Variants in FBXO4 observed in about 807,000 individuals in gnomAD.
FBXO4 encodes the protein F-box protein 4, also known as F-box only protein 4.
Under a neutral mutation model 43.7 loss-of-function variants are expected in FBXO4, and 36 were observed. The observed-to-expected ratio is 0.82, with a 90% CI of 0.63 to 1.09. FBXO4 has a LOEUF of 1.09. Among genes scored for constraint, FBXO4 ranks in the 50% least tolerant of loss-of-function variants. FBXO4 has a pLI of 0.00. For missense variants in FBXO4, 435 were observed against 474.1 expected (o/e 0.92, Z 0.77); for synonymous variants, 180 against 165.6 (o/e 1.09, Z -0.67).
Position 41,941,536 on chromosome 5 carries a change from G to A in FBXO4, c.*255G>A, listed in dbSNP as rs1372280781. 4.3e-6 allele frequency: 1 copy of A among 234,488 alleles called. No homozygotes were observed. Among genetic ancestry groups the A allele is most frequent in the Non-Finnish European group, 8.3e-6 (1 of 120,066 alleles). 14.5% of individuals were successfully genotyped at this position (234,488 alleles called of 1,614,324 possible). A position where few individuals can be genotyped will look rare whatever the true frequency, so the allele number is the denominator to read the frequency against. ...TTTTTTGGTAATTTTTATATTTTCTGTCTTTTTAAAAATATTAAATTCTGG... is the reference window on the plus strand; with the variant it reads ...TTTTTTGGTAATTTTTATATTTTCTATCTTTTTAAAAATATTAAATTCTGG... On this transcript the variant is annotated 3_prime_UTR_variant, in exon 7 of 7. Transcript: ENST00000281623.
chr5:41,999,509 A>ATATATATATACATATATATATGTG, the FBXO4 span, among the ~76,000 whole-genome samples: 1 of 66,092 alleles, frequency 1.5e-5, no homozygotes, highest in African/African-American at 1.0e-4. Flanking sequence ...ATATATGTGT[A>ATATATATATACATATATATATGTG]TATATATATA....
In FBXO4 at chr5:41,941,327, C is replaced by T. The variant is rs765353971; in HGVS notation, c.*46C>T. 3.9e-6 allele frequency: 6 copies of T among 1,538,182 alleles called. No homozygotes were observed. The South Asian group carries it at 6.7e-5, about 17-fold the overall frequency. ...AACTGAAACCATTTGAAATTTATTA[C>T]TAAGGTCGTGATGTGAATATTTGCT... On this transcript the variant is annotated 3_prime_UTR_variant, in exon 7 of 7. Transcript: ENST00000281623.
chr5:41,966,179 G>C, the FBXO4 span, among the ~76,000 whole-genome samples: 1 of 152,114 alleles, frequency 6.6e-6, no homozygotes, highest in African/African-American at 2.4e-5. Context: ...ATAGCATTTG[G>C]AGATATACCT....
the FBXO4 span, among the ~76,000 whole-genome samples, chr5:41,977,350 T>A: frequency 2.0e-5 from 3 of 152,236 alleles, no homozygotes; most frequent in Admixed American, 6.5e-5. Flanking sequence ...TCCAGAGTTT[T>A]ACACTCTGCT....
At chr5:42,015,741 A>G in the FBXO4 span, among the ~76,000 whole-genome samples, 1 of 152,146 alleles carries the variant, frequency 6.6e-6, no homozygotes. Flanking sequence ...GTATCCATAG[A>G]AAAATGAGGA....
chr5:41,975,137 A>G, the FBXO4 span, among the ~76,000 whole-genome samples: 1 of 152,194 alleles, frequency 6.6e-6, no homozygotes, highest in Non-Finnish European at 1.5e-5. Flanking sequence ...TTCATCTGCA[A>G]TCCCTAGGAC....
the FBXO4 span, chr5:41,951,822 T>C: frequency 4.2e-5 from 9 of 214,174 alleles, no homozygotes; most frequent in Admixed American, 4.4e-4. Flanking sequence ...CTGGAATCAG[T>C]AACCACCAGC....
chr5:42,022,541 A>G, the FBXO4 span, among the ~76,000 whole-genome samples: 3 of 152,014 alleles, frequency 2.0e-5, no homozygotes, highest in African/African-American at 4.8e-5. Flanking sequence ...CTCTGATGCT[A>G]TTTTACCACA....
chr5:41,966,446 T>C, the FBXO4 span, among the ~76,000 whole-genome samples: 1 of 152,198 alleles, frequency 6.6e-6, no homozygotes, highest in South Asian at 2.1e-4. Context: ...ATTTATAAAA[T>C]AAACCTTTAA....
the FBXO4 span, among the ~76,000 whole-genome samples, chr5:41,947,357 T>C: frequency 6.6e-6 from 1 of 152,202 alleles, no homozygotes; most frequent in South Asian, 2.1e-4. Flanking sequence ...GAACAGCTGT[T>C]GTGAGAAATA....
the FBXO4 span, among the ~76,000 whole-genome samples, chr5:42,005,614 T>C: frequency 5.9e-5 from 9 of 152,166 alleles, no homozygotes; most frequent in East Asian, 1.7e-3. Flanking sequence ...TCTTAACTGT[T>C]GGGATTATTT....
chr5:41,962,667 A>C, the FBXO4 span, among the ~76,000 whole-genome samples: 4 of 152,172 alleles, frequency 2.6e-5, no homozygotes, highest in African/African-American at 7.2e-5. Flanking sequence ...CACCAAAGGT[A>C]AGTGCCTCCT....
chr5:41,953,824 G>A, the FBXO4 span, among the ~76,000 whole-genome samples: 2 of 151,748 alleles, frequency 1.3e-5, no homozygotes, highest in African/African-American at 2.4e-5. Flanking sequence ...CATATCCTTT[G>A]CCCACTTTTT....
chr5:42,039,755 A>G, the FBXO4 span, among the ~76,000 whole-genome samples: 1 of 152,162 alleles, frequency 6.6e-6, no homozygotes, highest in Non-Finnish European at 1.5e-5. Context: ...AATTTTTCAG[A>G]TATAATTAAG....
the FBXO4 span, among the ~76,000 whole-genome samples, chr5:42,032,705 C>T: frequency 6.6e-6 from 1 of 152,124 alleles, no homozygotes; most frequent in Non-Finnish European, 1.5e-5. Context: ...ATCCCAAGGG[C>T]CCACTTGGTG....
At chr5:41,949,821 A>T in the FBXO4 span, among the ~76,000 whole-genome samples, 12 of 152,202 alleles carry the variant, frequency 7.9e-5, no homozygotes, top group Non-Finnish European at 1.2e-4. Flanking sequence ...ACTATACTAC[A>T]AGGCTACAGT....
chr5:41,948,371 G>A, the FBXO4 span, among the ~76,000 whole-genome samples: 21 of 152,188 alleles, frequency 1.4e-4, no homozygotes, highest in African/African-American at 4.6e-4. Flanking sequence ...TCCTGACCTC[G>A]TGATCTGCCC....
At chr5:42,021,542 C>T in the FBXO4 span, among the ~76,000 whole-genome samples, 1 of 152,052 alleles carries the variant, frequency 6.6e-6, no homozygotes, top group Non-Finnish European at 1.5e-5. Flanking sequence ...TGGCGGCTGC[C>T]TCTACGAGAC....
the FBXO4 span, among the ~76,000 whole-genome samples, chr5:41,965,637 GAATGGCGATCATTAAAAAGTCAGTA>G: frequency 6.6e-6 from 1 of 152,172 alleles, no homozygotes; most frequent in African/African-American, 2.4e-5. Flanking sequence ...ACACCAGTTA[GAATGGCGATCATTAAAAAGTCAGTA>G]AACAACAGAT....
Sources: allele counts gnomAD v4.1 joint callset (sites outside exome capture counted in the v4.1 genomes callset), GRCh38; gene constraint gnomAD v4.1.1; transcripts MANE v1.5; gene names NCBI Gene and HGNC (gene_info 2026-07-23, HGNC 2026-07-21).